Variants in MGAT5B observed in about 807,000 individuals in gnomAD.
The protein encoded by MGAT5B is alpha-1,6-mannosylglycoprotein 6-beta-N-acetylglucosaminyltransferase B, also known as N-acetylglucosaminyl-transferase Vb.
MGAT5B carries 54 observed loss-of-function variants against 95.1 expected under a neutral mutation model. That is an observed-to-expected ratio of 0.57 (90% confidence interval 0.46 to 0.71). The LOEUF is 0.71. Among genes scored for constraint, MGAT5B ranks in the 30% least tolerant of loss-of-function variants. The pLI is 0.00. For synonymous variants in MGAT5B, 464 were observed against 451.0 expected, an observed-to-expected ratio of 1.03 and a Z score of -0.36; for missense variants, 935 against 1,088.6, an observed-to-expected ratio of 0.86 and a Z score of 1.99.
At chr17:76,878,437 C>G (rs1967278268) in intron 2 of MGAT5B, among the ~76,000 whole-genome samples, 1 of 152,092 alleles carries the variant, frequency 6.6e-6, no homozygotes, top group Non-Finnish European at 1.5e-5. Flanking sequence ...ATCGTGAAAC[C>G]CAGGCTGCAA....
intron 8 of MGAT5B, among the ~76,000 whole-genome samples, chr17:76,923,497 C>T (rs1023012685): frequency 2.0e-5 from 3 of 152,148 alleles, no homozygotes; most frequent in African/African-American, 7.2e-5. Context: ...CACATCCAGC[C>T]CCATGAGGTG....
At chr17:76,871,347 G>A (rs569389885) in intron 1 of MGAT5B, among the ~76,000 whole-genome samples, 55 of 152,212 alleles carry the variant, frequency 3.6e-4, no homozygotes, top group East Asian at 1.9e-4. Context: ...GTCCCTCTGC[G>A]CTAAGGAAAG....
At position 76,912,283 on chromosome 17, in the gene MGAT5B, T is replaced by TG. The variant is rs1968768664; in HGVS notation, c.1025+6099dup. The stretch of plus-strand genomic sequence containing the variant: ...TAAGATGGCAACCACTGGGGGGCCC[T>TG]GGGCAGAGTTCCCAGCGAGCAACCG... On this transcript the variant is annotated intron_variant, in intron 8 of 17. Coordinates refer to ENST00000569840, the MANE Select transcript of MGAT5B (RefSeq NM_001199172.2). This position sits in a 1 kb window ranked among gnomAD's most constrained non-coding sequence, Gnocchi z 5.0. Among the ~76,000 whole-genome samples the TG allele has an allele frequency of 5.3e-5, 8 of 152,224 alleles. No homozygotes were observed. The South Asian group carries it at 1.7e-3, about 32-fold the overall frequency.
chr17:76,882,051 G>A (rs919653381), intron 2 of MGAT5B, 100 bp from the exon 3 acceptor site: 4 of 1,323,714 alleles, frequency 3.0e-6, no homozygotes, highest in African/African-American at 2.9e-5. Flanking sequence ...GGTGCTGGGG[G>A]ACTTTGGGGC....
rs553040023 is a variant in MGAT5B at position 76,938,421 on chromosome 17, C to T, written c.1584+278C>T. Among the ~76,000 whole-genome samples, 2 of 152,356 alleles carry T rather than the reference C, an allele frequency of 1.3e-5. No homozygotes were observed. The highest frequency in any genetic ancestry group is 4.1e-4 in the South Asian group (2 of 4,828). On this transcript the variant is annotated intron_variant, in intron 13 of 17. Coordinates refer to ENST00000569840, the MANE Select transcript of MGAT5B (RefSeq NM_001199172.2). This position sits in a 1 kb window ranked among gnomAD's most constrained non-coding sequence, Gnocchi z 4.3. ...GAAGTAGAGTTGGACTGCCCATCCT[C>T]CCCCTTGCAGTACCAGTCCAGCCAA...
chr17:76,908,279 T>C (rs1401091892), intron 8 of MGAT5B, among the ~76,000 whole-genome samples: 8 of 148,530 alleles, frequency 5.4e-5, no homozygotes, highest in African/African-American at 1.7e-4. Flanking sequence ...TTTCTTCTTT[T>C]TTTTTTTTTT....
In MGAT5B at chr17:76,869,091, C is replaced by T. The variant is rs750695872; in HGVS notation, c.62C>T (p.Pro21Leu). 2.5e-6 allele frequency: 4 copies of T among 1,614,020 alleles called. No homozygotes were observed. In the South Asian group the frequency reaches 4.4e-5, roughly 18 times the overall value. The change falls in exon 1 of 18, where the codon CCC (proline) becomes CTC (leucine). Residue 21 changes from proline to leucine, a missense_variant. This residue lies in a region of MGAT5B where 243 missense variants were observed against 228.2 expected (regional missense o/e 1.06). Coordinates refer to ENST00000569840, the MANE Select transcript of MGAT5B (RefSeq NM_001199172.2). This position sits in a 1 kb window ranked among gnomAD's most constrained non-coding sequence, Gnocchi z 7.0. ...MVRRCLVTLR[P>L]FRLFVLGIGF... ...AGAAGATGCCTGGTCACCCTGAGAC[C>T]CTTTCGGTAAAGTTCCCTCCTGGTT...
At chr17:76,908,391 T>G (rs1236681047) in intron 8 of MGAT5B, among the ~76,000 whole-genome samples, 1 of 150,896 alleles carries the variant, frequency 6.6e-6, no homozygotes, top group African/African-American at 2.4e-5. Context: ...CTCAGCCTCC[T>G]GAGTAGCTGG....
At chr17:76,946,632 C>T (rs1036826839) in intron 16 of MGAT5B, among the ~76,000 whole-genome samples, 182 bp downstream of exon 16, 6 of 152,206 alleles carry the variant, frequency 3.9e-5, no homozygotes, top group Non-Finnish European at 1.5e-5. Context: ...GGCCTGACTG[C>T]GGGCCTGGAA....
In MGAT5B at chr17:76,903,326, T is replaced by C; in HGVS notation, c.469T>C (p.Cys157Arg). The C allele has an allele frequency of 6.2e-7, 1 of 1,610,576 alleles. No individual in the cohort carries two copies. Among genetic ancestry groups the C allele is most frequent in the Non-Finnish European group, 8.5e-7 (1 of 1,178,414 alleles). The stretch of plus-strand genomic sequence containing the variant: ...AGTGTCAGAAGGCCGGCGGGACCAG[T>C]GTGAGGCACCCAGTGACCCCAAGTT... The part of the protein sequence containing the change: ...SKVSEGRRDQ[C>R]EAPSDPKFPD... Residue 157 changes from cysteine to arginine, a missense_variant, in exon 5 of 18, where the codon TGT becomes CGT. Cys to Arg is a radical substitution (Grantham distance 180, BLOSUM62 -3). Coordinates refer to ENST00000569840, the MANE Select transcript of MGAT5B (RefSeq NM_001199172.2).
In MGAT5B at chr17:76,872,924, C is replaced by T. The variant is rs1449944386; in HGVS notation, c.142C>T (p.Arg48Trp). The T allele has an allele frequency of 9.3e-6, 15 of 1,613,998 alleles. No homozygotes were observed. The highest frequency in any genetic ancestry group is 4.5e-5 in the East Asian group (2 of 44,902). ...GTCTCTGGGAGGCCAGTTCTCGGCC[C>T]GGCGCCTGGGGGACTCGCCATTCAC... is the stretch of plus-strand genomic sequence containing the variant. ...MTSLGGQFSA[R>W]RLGDSPFTIR... Residue 48 changes from arginine (R) to tryptophan (W), a missense_variant, in exon 2 of 18, where the codon CGG (arginine) becomes TGG (tryptophan). Physicochemically the swap from Arg to Trp is moderately radical, Grantham distance 101. Transcript: ENST00000569840.
Position 76,940,723 on chromosome 17 carries a change from C to A in MGAT5B, c.1732-9C>A. ...CGGGGGGCATCTGCAATCTCTGTAC[C>A]CTTGCCAGGTGTTCTCCCAGCATCC... On this transcript the variant is annotated splice_polypyrimidine_tract_variant and intron_variant, in intron 14 of 17. Transcript: ENST00000569840. This position sits in a 1 kb window ranked among gnomAD's most constrained non-coding sequence, Gnocchi z 4.3. 1 of 1,613,694 alleles carries A rather than the reference C, an allele frequency of 6.2e-7. No individual in the cohort carries two copies. Among genetic ancestry groups the A allele is most frequent in the Non-Finnish European group, 8.5e-7 (1 of 1,179,720 alleles).
Position 76,940,433 on chromosome 17 carries a change from GC to G in MGAT5B, c.1620del (p.Ala541ProfsTer73). On this transcript the variant is annotated frameshift_variant, in exon 14 of 18. Transcript: ENST00000569840. LOFTEE classifies it high-confidence loss of function. The surrounding 1 kb of genome is among the most constrained non-coding windows in gnomAD (Gnocchi z 4.3). The part of the protein sequence containing the change: ...LFIGFGFPYE[G>X]PAPLEAIANG... Reference sequence around the variant, plus strand: ...ATCGGGTTTGGCTTCCCCTACGAGGGCCCCGCCCCCCTGGAGGCCATCGCCA... The same window carrying G: ...ATCGGGTTTGGCTTCCCCTACGAGGGCCCGCCCCCCTGGAGGCCATCGCCA... The G allele has an allele frequency of 6.2e-7, 1 of 1,612,208 alleles. No homozygotes were observed.
At position 76,918,355 on chromosome 17, in the gene MGAT5B, C is replaced by T. The variant is rs548637717; in HGVS notation, c.1026-6611C>T. Among the ~76,000 whole-genome samples, 25 of 152,290 alleles carry T rather than the reference C, an allele frequency of 1.6e-4. No homozygotes were observed. Among genetic ancestry groups the T allele is most frequent in the African/African-American group, 5.1e-4 (21 of 41,556 alleles). Reference sequence around the variant, plus strand: ...CAGTTCTCAGCTGTAGCCCTGAACCCTCGAGGGCACAGGGTACATGCTGGG... The same window carrying T: ...CAGTTCTCAGCTGTAGCCCTGAACCTTCGAGGGCACAGGGTACATGCTGGG... On this transcript the variant is annotated intron_variant, in intron 8 of 17. Coordinates refer to ENST00000569840, the MANE Select transcript of MGAT5B (RefSeq NM_001199172.2). This position sits in a 1 kb window ranked among gnomAD's most constrained non-coding sequence, Gnocchi z 5.1.
intron 9 of MGAT5B, among the ~76,000 whole-genome samples, chr17:76,925,733 T>C (rs1969292625): frequency 6.6e-6 from 1 of 152,176 alleles, no homozygotes; most frequent in Non-Finnish European, 1.5e-5. Context: ...CCCGGGCCTC[T>C]TCCCTGGGGG....
In MGAT5B at chr17:76,948,761, A is replaced by G; in HGVS notation, c.2302A>G (p.Asn768Asp). The stretch of plus-strand genomic sequence containing the variant: ...TCTGCTCTTCAGCTGCGCCGGCTCC[A>G]ACACCAAGTACCGCCGGCTCTGCCC... Reference protein sequence around the residue: ...EPLLFSCAGSNTKYRRLCPCR... With the variant: ...EPLLFSCAGSDTKYRRLCPCR... Residue 768 changes from asparagine (N) to aspartate (D), a missense_variant, in exon 18 of 18, where the codon AAC becomes GAC. Asn to Asp is a conservative substitution (Grantham distance 23). This residue lies in a region of MGAT5B where 440 missense variants were observed against 523.6 expected (regional missense o/e 0.84). Coordinates refer to ENST00000569840, the MANE Select transcript of MGAT5B (RefSeq NM_001199172.2). 1 of 1,610,992 alleles carries G rather than the reference A, an allele frequency of 6.2e-7. No homozygotes were observed. The highest frequency in any genetic ancestry group is 8.5e-7 in the Non-Finnish European group (1 of 1,179,092).
rs527526711 is a variant in MGAT5B, at chr17:76,929,692, G to A, written c.1292-2953G>A. Among the ~76,000 whole-genome samples, 39 of 152,318 alleles carry A rather than the reference G, an allele frequency of 2.6e-4. No individual in the cohort carries two copies. In the East Asian group the frequency reaches 7.3e-3, roughly 29 times the overall value. On this transcript the variant is annotated intron_variant, in intron 10 of 17. Coordinates refer to ENST00000569840, the MANE Select transcript of MGAT5B (RefSeq NM_001199172.2). The stretch of plus-strand genomic sequence containing the variant: ...GAGGCTGGCCAGTTTTAATGGCACA[G>A]AGTCCAGGAAGGAAGTCATGAGCAG...
rs1401551000 is a variant in MGAT5B at position 76,889,388 on chromosome 17, G to A, written c.329+7090G>A. ...AGGCAGGGAGGGAAGAGCTCTCAGG[G>A]AACACACCTGATAACCTGGGAAGTC... On this transcript the variant is annotated intron_variant, in intron 3 of 17. Transcript: ENST00000569840. This position sits in a 1 kb window ranked among gnomAD's most constrained non-coding sequence, Gnocchi z 4.4. 6.6e-6 allele frequency among the ~76,000 whole-genome samples: 1 copy of A among 152,080 alleles called. No individual in the cohort carries two copies. The highest frequency in any genetic ancestry group is 1.9e-4 in the East Asian group (1 of 5,178).
At chr17:76,932,486 G>T (rs1337135103) in intron 10 of MGAT5B, among the ~76,000 whole-genome samples, 159 bp from the exon 11 acceptor site, 1 of 152,092 alleles carries the variant, frequency 6.6e-6, no homozygotes, top group African/African-American at 2.4e-5. Flanking sequence ...GGGGGTCACA[G>T]GCCGGGGCAC....
Sources: gnomAD v4.1 joint callset for allele counts (sites outside exome capture counted in the v4.1 genomes callset) on GRCh38, gnomAD v4.1.1 for gene constraint, gnomAD v4.1.1 regional missense constraint, Gnocchi (gnomAD v3.1) non-coding constraint, MANE v1.5 for transcripts, NCBI Gene and HGNC (gene_info 2026-07-23, HGNC 2026-07-21) for gene names.